Variants in BLTP3B observed in about 807,000 individuals in gnomAD.
The protein encoded by BLTP3B is UHRF1 (ICBP90) binding protein 1-like.
the BLTP3B span, among the ~76,000 whole-genome samples, chr12:100,118,876 G>A: frequency 6.6e-6 from 1 of 152,182 alleles, no homozygotes; most frequent in Non-Finnish European, 1.5e-5. Context: ...GCCAAGGCGA[G>A]CAGATCACAA....
At chr12:100,081,392 T>C in the BLTP3B span, among the ~76,000 whole-genome samples, 1 of 152,228 alleles carries the variant, frequency 6.6e-6, no homozygotes, top group Admixed American at 6.5e-5. Context: ...TTGTAGTTGG[T>C]GTCTGAAGTC....
chr12:100,056,900 G>A, the BLTP3B span, among the ~76,000 whole-genome samples: 152 of 152,006 alleles, frequency 1.0e-3, no homozygotes, highest in Non-Finnish European at 1.9e-3. Context: ...TGTGTCTGCA[G>A]CAACTACTTT....
chr12:100,128,603 AG>A, the BLTP3B span: 1 of 1,273,812 alleles, frequency 7.9e-7, no homozygotes, highest in Non-Finnish European at 1.0e-6. Flanking sequence ...ATTCAGAAAA[AG>A]GTCCCTATTC....
At chr12:100,092,737 C>CT in the BLTP3B span, 5 of 183,606 alleles carry the variant, frequency 2.7e-5, no homozygotes, top group African/African-American at 1.2e-4. Flanking sequence ...ATCTATTAGT[C>CT]TTTAACTACG....
chr12:100,092,383 T>C, the BLTP3B span, among the ~76,000 whole-genome samples: 1 of 152,162 alleles, frequency 6.6e-6, no homozygotes, highest in Non-Finnish European at 1.5e-5. Context: ...TAAAATATTA[T>C]GGAGCAACAA....
chr12:100,110,554 C>T, the BLTP3B span, among the ~76,000 whole-genome samples: 1 of 152,102 alleles, frequency 6.6e-6, no homozygotes, highest in Non-Finnish European at 1.5e-5. Context: ...AAGCAGTACA[C>T]TTGAGGTCCC....
chr12:100,046,542 C>T, the BLTP3B span, among the ~76,000 whole-genome samples: 1 of 129,562 alleles, frequency 7.7e-6, no homozygotes, highest in Non-Finnish European at 1.5e-5. Context: ...CACATGGCCA[C>T]AGTGAGGGGA....
chr12:100,135,171 G>GT, the BLTP3B span, among the ~76,000 whole-genome samples: 1 of 152,060 alleles, frequency 6.6e-6, no homozygotes, highest in Non-Finnish European at 1.5e-5. Context: ...GGTGGTCTTC[G>GT]TATGTTTTCA....
the BLTP3B span, chr12:100,059,789 C>T: frequency 4.0e-6 from 6 of 1,492,122 alleles, no homozygotes; most frequent in Non-Finnish European, 5.5e-6. Context: ...TACATATACG[C>T]ACAAATCATA....
the BLTP3B span, among the ~76,000 whole-genome samples, chr12:100,114,329 G>C: frequency 2.0e-5 from 3 of 152,078 alleles, no homozygotes; most frequent in Non-Finnish European, 4.4e-5. Context: ...ACTACTTTGG[G>C]ATCAAACTTA....
the BLTP3B span, chr12:100,103,978 G>C: frequency 6.4e-7 from 1 of 1,563,482 alleles, no homozygotes; most frequent in South Asian, 1.2e-5. Flanking sequence ...TTTAATTTAA[G>C]ATCAATCATT....
the BLTP3B span, among the ~76,000 whole-genome samples, chr12:100,099,285 G>T: frequency 6.8e-6 from 1 of 146,816 alleles, no homozygotes. Flanking sequence ...TGAGCCACCA[G>T]GCCCAGTTTA....
chr12:100,052,712 T>TAA, the BLTP3B span, among the ~76,000 whole-genome samples: 1 of 151,778 alleles, frequency 6.6e-6, no homozygotes, highest in Non-Finnish European at 1.5e-5. Flanking sequence ...TTAATAGCCT[T>TAA]AAAGCAATTA....
chr12:100,058,134 T>G, the BLTP3B span: 1 of 1,613,422 alleles, frequency 6.2e-7, no homozygotes, highest in Non-Finnish European at 8.5e-7. Context: ...ATCTTCAGCT[T>G]TAAAGATGGA....
the BLTP3B span, among the ~76,000 whole-genome samples, chr12:100,120,135 G>A: frequency 3.3e-5 from 5 of 152,162 alleles, no homozygotes; most frequent in Non-Finnish European, 5.9e-5. Context: ...CCAGCACTTC[G>A]GGAGGCCTAG....
At chr12:100,051,249 A>C in the BLTP3B span, 2 of 1,601,676 alleles carry the variant, frequency 1.2e-6, no homozygotes, top group Non-Finnish European at 1.7e-6. Context: ...TAAATTAATA[A>C]ATTAAAGTCA....
the BLTP3B span, among the ~76,000 whole-genome samples, chr12:100,130,422 T>C: frequency 2.4e-4 from 37 of 152,336 alleles, 1 homozygote; most frequent in East Asian, 6.6e-3. Flanking sequence ...CCAGAAGACA[T>C]TCCTATATCT....
At chr12:100,117,995 A>G in the BLTP3B span, among the ~76,000 whole-genome samples, 1 of 124,820 alleles carries the variant, frequency 8.0e-6, no homozygotes, top group African/African-American at 4.6e-5. Flanking sequence ...ACTCTTATCA[A>G]TCCTGGACTT....
the BLTP3B span, among the ~76,000 whole-genome samples, chr12:100,096,069 TG>T: frequency 6.6e-6 from 1 of 152,074 alleles, no homozygotes; most frequent in East Asian, 1.9e-4. Context: ...CTGGCCAACA[TG>T]GTAGAAACCC....
Sources: gnomAD v4.1 joint callset for allele counts (sites outside exome capture counted in the v4.1 genomes callset) on GRCh38, gnomAD v4.1.1 for gene constraint, MANE v1.5 for transcripts, NCBI Gene and HGNC (gene_info 2026-07-23, HGNC 2026-07-21) for gene names.